SEC16A: variants seen among roughly 807,000 people sequenced by gnomAD.
SEC16A encodes the protein protein transport protein Sec16A.
SEC16A carries 110 observed loss-of-function variants against 221.9 expected under a neutral mutation model. The observed-to-expected ratio is 0.50, with a 90% CI of 0.42 to 0.58. SEC16A has a LOEUF of 0.58. Among genes scored for constraint, SEC16A ranks in the 20% least tolerant of loss-of-function variants. SEC16A has a pLI of 0.00. For missense variants in SEC16A, 3,165 were observed against 3,097.8 expected (o/e 1.02, Z -0.52); for synonymous variants, 1,393 against 1,257.7 (o/e 1.11, Z -2.28).
chr9:136,468,462 T>G lies in SEC16A; in HGVS notation c.3755A>C (p.Gln1252Pro), dbSNP rs1190452747. 1.9e-6 allele frequency: 3 copies of G among 1,613,560 alleles called. No homozygotes were observed. In the African/African-American group the frequency reaches 4.0e-5, roughly 22 times the overall value. The change falls in exon 5 of 32, where the codon CAG becomes CCG. Residue 1252 changes from glutamine (Q) to proline (P), a missense_variant. This residue lies in a region of SEC16A where 2,030 missense variants were observed against 1,923.1 expected (regional missense o/e 1.06). Transcript: ENST00000684901. ...YYSSKSGWSS[Q>P]SDYYASYYSS... is the part of the protein sequence containing the mutation. ...GTAATAGCTTGCATAGTAATCGCTC[T>G]GACTGCTCCATCCACTTTTGGAACT...
intron 1 of SEC16A, among the ~76,000 whole-genome samples, chr9:136,481,482 T>C (rs911868745): frequency 1.3e-5 from 2 of 152,232 alleles, no homozygotes; most frequent in Non-Finnish European, 2.9e-5. Context: ...ATTCTTTTAT[T>C]GTTCCAAAGA....
chr9:136,475,665 G>A lies in SEC16A; in HGVS notation c.1951C>T (p.Leu651=), dbSNP rs762631295. 1.9e-6 allele frequency: 3 copies of A among 1,613,640 alleles called. No individual in the cohort carries two copies. Among genetic ancestry groups the A allele is most frequent in the African/African-American group, 2.7e-5 (2 of 74,924 alleles). The change falls in exon 3 of 32, where the codon CTG becomes TTG. Residue 651 remains leucine, a synonymous_variant. Coordinates refer to ENST00000684901, the MANE Select transcript of SEC16A (RefSeq NM_014866.2). The surrounding 1 kb of genome is among the most constrained non-coding windows in gnomAD (Gnocchi z 5.0). ...AGGTTGCCAGGGGAAGCATCGGGCA[G>A]GGCGGCAGCTGGTCTGCACTGCTTC... is the stretch of plus-strand genomic sequence containing the variant. ...RQKQCRPAAA[L]PDASPGNLEQ...
intron 3 of SEC16A, among the ~76,000 whole-genome samples, chr9:136,473,610 C>A (rs974623605): frequency 2.6e-5 from 4 of 152,222 alleles, no homozygotes; most frequent in African/African-American, 9.7e-5. Context: ...TGTTTTTATT[C>A]TCCAGGGGCA....
chr9:136,472,601 G>C (rs746156031), intron 3 of SEC16A, among the ~76,000 whole-genome samples: 5 of 152,206 alleles, frequency 3.3e-5, no homozygotes, highest in Non-Finnish European at 5.9e-5. Context: ...CCCCAGCCAG[G>C]AGCAGCCTCT....
At position 136,477,217 on chromosome 9, in the gene SEC16A, A is replaced by T. The variant is rs1031262384; in HGVS notation, c.399T>A (p.Pro133=). ...CACTCCTGTTCATCTCAGGCCCAGG[A>T]GGTGCTGAAGGTGTCAATGCACCAG... is the stretch of plus-strand genomic sequence containing the variant. ...PFSGALTPSA[P]PGPEMNRSAE... is the part of the protein sequence containing the mutation. The change falls in exon 3 of 32, where the codon CCT becomes CCA. Residue 133 remains proline (P), a synonymous_variant. Coordinates refer to ENST00000684901, the MANE Select transcript of SEC16A (RefSeq NM_014866.2). The T allele has an allele frequency of 3.1e-6, 5 of 1,613,772 alleles. No homozygotes were observed. The Admixed American group carries it at 8.3e-5, about 27-fold the overall frequency.
intron 3 of SEC16A, 59 bp downstream of exon 3, chr9:136,473,990 G>A: frequency 6.6e-7 from 1 of 1,515,266 alleles, no homozygotes; most frequent in Non-Finnish European, 8.9e-7. Context: ...CTGTGAGTGA[G>A]ACTCAACTGG....
rs1441425198 is a variant in SEC16A, at chr9:136,475,630, T to C, written c.1986A>G (p.Pro662=). 2.5e-6 allele frequency: 4 copies of C among 1,613,724 alleles called. No homozygotes were observed. The highest frequency in any genetic ancestry group is 1.1e-5 in the South Asian group (1 of 91,030). ...CACAGAGGGTCTCCATGTTGTCTGG[T>C]GGCTGCTCCAGGTTGCCAGGGGAAG... ...PDASPGNLEQ[P]PDNMETLCAP... is the part of the protein sequence containing the mutation. Residue 662 remains proline, a synonymous_variant, in exon 3 of 32, where the codon CCA becomes CCG. Transcript: ENST00000684901. The surrounding 1 kb of genome is among the most constrained non-coding windows in gnomAD (Gnocchi z 5.0).
chr9:136,482,284 G>C lies in SEC16A; in HGVS notation c.-192+654C>G, dbSNP rs527368354. Among the ~76,000 whole-genome samples, 19 of 152,288 alleles carry C rather than the reference G, an allele frequency of 1.2e-4. 1 individual carries two copies. In the South Asian group the frequency reaches 3.9e-3, roughly 32 times the overall value. On this transcript the variant is annotated intron_variant, in intron 1 of 31. Transcript: ENST00000684901. ...CATGGGGGATGGGAAATACCTCTTT[G>C]GTTAACATCGGCATCACACATGTAA...
At chr9:136,464,600 T>C in intron 8 of SEC16A, 38 bp from the exon 9 acceptor site, 1 of 1,558,514 alleles carries the variant, frequency 6.4e-7, no homozygotes, top group Non-Finnish European at 8.8e-7. Context: ...ACAATCAGCT[T>C]GTCACTGATG....
At position 136,477,366 on chromosome 9, in the gene SEC16A, C is replaced by T. The variant is rs201448916; in HGVS notation, c.250G>A (p.Ala84Thr). ...SPPVLQGPAP[A>T]GFSQHPGLLV... ...AAACCGGGGTGCTGAGAAAACCCTG[C>T]GGGGGCTGGGCCTTGCAAGACAGGT... Residue 84 changes from alanine to threonine, a missense_variant, in exon 3 of 32, where the codon GCA (alanine) becomes ACA (threonine). Ala to Thr is a moderately conservative substitution (Grantham distance 58, BLOSUM62 0). This residue lies in a region of SEC16A where 2,030 missense variants were observed against 1,923.1 expected (regional missense o/e 1.06). Transcript: ENST00000684901. 215 of 1,613,798 alleles carry T rather than the reference C, an allele frequency of 1.3e-4. No individual in the cohort carries two copies. The highest frequency in any genetic ancestry group is 1.2e-4 in the Non-Finnish European group (140 of 1,179,884).
Position 136,448,142 on chromosome 9 carries a change from C to T in SEC16A, c.6332G>A (p.Arg2111His), listed in dbSNP as rs182435046. ...EPKKGESWFF[R>H]WLPGKKKTEA... ...TGTCTTTTTCTTTCCAGGTAGCCAACGAAAGAACCAGGATTCACCCTAAAT... is the reference window on the plus strand; with the variant it reads ...TGTCTTTTTCTTTCCAGGTAGCCAATGAAAGAACCAGGATTCACCCTAAAT... The change falls in exon 24 of 32, where the codon CGT becomes CAT. Residue 2111 changes from arginine to histidine, a missense_variant. Arg to His is a conservative substitution (Grantham distance 29, BLOSUM62 0). Coordinates refer to ENST00000684901, the MANE Select transcript of SEC16A (RefSeq NM_014866.2). The T allele has an allele frequency of 7.7e-5, 125 of 1,613,500 alleles. No homozygotes were observed. The highest frequency in any genetic ancestry group is 9.7e-5 in the Non-Finnish European group (114 of 1,179,620).
intron 8 of SEC16A, among the ~76,000 whole-genome samples, chr9:136,465,151 C>T (rs1839983178): frequency 6.6e-6 from 1 of 151,082 alleles, no homozygotes; most frequent in Admixed American, 6.6e-5. Context: ...TTAACTGAAA[C>T]AATACTTTAA....
rs1011593544 is a variant in SEC16A, at chr9:136,440,176, C to T, written c.*1579G>A. 3 of 152,478 alleles carry T rather than the reference C, an allele frequency of 2.0e-5. No individual in the cohort carries two copies. The highest frequency in any genetic ancestry group is 1.3e-4 in the Admixed American group (2 of 15,306). 9.4% of individuals were successfully genotyped at this position (152,478 alleles called of 1,614,324 possible). The stretch of plus-strand genomic sequence containing the variant: ...TTCTCATTTAGGAAAAATAGCCGCT[C>T]CCGCCTGGAGGAAGCTTCTTGAATC... On this transcript the variant is annotated 3_prime_UTR_variant, in exon 32 of 32. Transcript: ENST00000684901.
chr9:136,460,922 C>T (rs1195019427), intron 13 of SEC16A, among the ~76,000 whole-genome samples: 2 of 152,124 alleles, frequency 1.3e-5, no homozygotes, highest in African/African-American at 4.8e-5. Flanking sequence ...TTAAAAAAAG[C>T]TATAAAAGAT....
upstream of SEC16A, chr9:136,484,542 G>C (rs770165655): frequency 7.7e-7 from 1 of 1,299,570 alleles, no homozygotes; most frequent in Admixed American, 2.2e-5. Flanking sequence ...AGGCGCCGTG[G>C]TGGGGGTGCC....
intron 2 of SEC16A, among the ~76,000 whole-genome samples, 127 bp downstream of exon 2, chr9:136,478,582 T>C (rs1300828886): frequency 6.6e-6 from 1 of 152,062 alleles, no homozygotes; most frequent in Admixed American, 6.5e-5. Flanking sequence ...ATGCCTGTAA[T>C]CCCAGCACTT....
rs1255847917 is a variant in SEC16A at position 136,447,127 on chromosome 9, C to A, written c.6697+100G>T. 5 of 1,517,706 alleles carry A rather than the reference C, an allele frequency of 3.3e-6. No individual in the cohort carries two copies. In the African/African-American group the frequency reaches 6.9e-5, roughly 21 times the overall value. 94.0% of individuals were successfully genotyped at this position (1,517,706 alleles called of 1,614,324 possible). A position where few individuals can be genotyped will look rare whatever the true frequency, so the allele number is the denominator to read the frequency against. On this transcript the variant is annotated intron_variant, in intron 27 of 31. Coordinates refer to ENST00000684901, the MANE Select transcript of SEC16A (RefSeq NM_014866.2). This position sits in a 1 kb window ranked among gnomAD's most constrained non-coding sequence, Gnocchi z 5.5. ...CAGGCTCTCTGCATGCTGGCCAGGT[C>A]ATTCTTTTAACGGGAGATTTAGGAG...
In SEC16A at chr9:136,459,928, C is replaced by G. The variant is rs764892534; in HGVS notation, c.5074-54G>C. 635 of 1,555,930 alleles carry G rather than the reference C, an allele frequency of 4.1e-4. 1 individual carries two copies. The highest frequency in any genetic ancestry group is 5.1e-4 in the Non-Finnish European group (578 of 1,140,602). Reference sequence around the variant, plus strand: ...TCATCCCCGGAAGCCAGCGCCATTTCAATTCCACACAGCTGGGCTCACCAG... The same window carrying G: ...TCATCCCCGGAAGCCAGCGCCATTTGAATTCCACACAGCTGGGCTCACCAG... On this transcript the variant is annotated intron_variant, in intron 14 of 31. Transcript: ENST00000684901. This position sits in a 1 kb window ranked among gnomAD's most constrained non-coding sequence, Gnocchi z 6.1.
chr9:136,452,477 A>AAAG (rs1413100239), intron 22 of SEC16A, among the ~76,000 whole-genome samples: 1 of 145,100 alleles, frequency 6.9e-6, no homozygotes, highest in Non-Finnish European at 1.5e-5. Context: ...AAAAAAAAAA[A>AAAG]AGAGATGGCC....
Sources: gnomAD v4.1 joint callset for allele counts (sites outside exome capture counted in the v4.1 genomes callset) on GRCh38, gnomAD v4.1.1 for gene constraint, gnomAD v4.1.1 regional missense constraint, Gnocchi (gnomAD v3.1) non-coding constraint, MANE v1.5 for transcripts, NCBI Gene and HGNC (gene_info 2026-07-23, HGNC 2026-07-21) for gene names.